The following COPZ1 variants were observed in gnomAD, a reference collection of about 807,000 sequenced individuals.
COPZ1 encodes the protein coat protein complex I subunit zeta 1, also known as coatomer subunit zeta-1.
A neutral mutation model predicts 31.7 loss-of-function variants in COPZ1; 4 were observed. The observed-to-expected ratio is 0.13, with a 90% CI of 0.06 to 0.29. The LOEUF is 0.29. Among genes scored for constraint, COPZ1 ranks in the 10% least tolerant of loss-of-function variants. The pLI, the probability that COPZ1 is intolerant of heterozygous loss-of-function variation, is 1.00. For missense variants in COPZ1, 156 were observed against 211.5 expected, an observed-to-expected ratio of 0.74 and a Z score of 1.63; for synonymous variants, 74 against 79.0, an observed-to-expected ratio of 0.94 and a Z score of 0.33.
intron 1 of COPZ1, among the ~76,000 whole-genome samples, chr12:54,337,665 G>C (rs1456990159): frequency 1.3e-5 from 2 of 152,242 alleles, no homozygotes; most frequent in African/African-American, 2.4e-5. Flanking sequence ...GCTGGCTCCA[G>C]CTGTAGCAGA....
intron 1 of COPZ1, among the ~76,000 whole-genome samples, chr12:54,337,596 GC>G (rs1288052488): frequency 6.6e-6 from 1 of 152,190 alleles, no homozygotes; most frequent in Non-Finnish European, 1.5e-5. Flanking sequence ...AGAGGTAAAA[GC>G]CCCAGGCTGA....
At chr12:54,332,839 TG>T (rs1953781507) in intron 1 of COPZ1, among the ~76,000 whole-genome samples, 1 of 152,118 alleles carries the variant, frequency 6.6e-6, no homozygotes, top group Non-Finnish European at 1.5e-5. Context: ...TATTAATTTA[TG>T]AAGGCCACAC....
rs113566379 is a variant in COPZ1 at position 54,339,362 on chromosome 12, A to G, written c.19-1185A>G. On this transcript the variant is annotated intron_variant, in intron 1 of 8. Coordinates refer to ENST00000262061, the MANE Select transcript of COPZ1 (RefSeq NM_016057.3). ...ACTTTTGGTTTTTTCTATTCAATCA[A>G]TTAGAGATGGGGTTTCACTCTGTCA... 9.5e-3 allele frequency among the ~76,000 whole-genome samples: 1,450 copies of G among 151,864 alleles called. 21 individuals carry two copies. The highest frequency in any genetic ancestry group is 0.033 in the African/African-American group (1,379 of 41,410).
chr12:54,326,124 A>AATAATAATAATTATTATTATT (rs1555152047), intron 1 of COPZ1, among the ~76,000 whole-genome samples: 1 of 139,164 alleles, frequency 7.2e-6, no homozygotes, highest in African/African-American at 2.7e-5. Flanking sequence ...CCTGGCCAGG[A>AATAATAATAATTATTATTATT]ATTATTATTA....
At chr12:54,332,774 G>T (rs1235703482) in intron 1 of COPZ1, among the ~76,000 whole-genome samples, 1 of 151,586 alleles carries the variant, frequency 6.6e-6, no homozygotes, top group Non-Finnish European at 1.5e-5. Context: ...GCTGGAGGGA[G>T]CGTGGTTGCT....
At chr12:54,350,076 T>C in intron 8 of COPZ1, 1 of 603,692 alleles carries the variant, frequency 1.7e-6, no homozygotes, top group Non-Finnish European at 2.9e-6. Context: ...TCTTGCTACC[T>C]TGACTGCAGA....
intron 1 of COPZ1, among the ~76,000 whole-genome samples, chr12:54,336,696 TGGA>T (rs1440166193): frequency 6.6e-6 from 1 of 151,036 alleles, no homozygotes; most frequent in Admixed American, 6.6e-5. Flanking sequence ...AGAGAGTTCT[TGGA>T]GATGTTGATG....
At chr12:54,347,673 A>T in intron 5 of COPZ1, 94 bp from the exon 6 acceptor site, 1 of 1,056,614 alleles carries the variant, frequency 9.5e-7, no homozygotes, top group Non-Finnish European at 1.4e-6. Flanking sequence ...GGAGATGTTT[A>T]TTGGTCTAGT....
intron 5 of COPZ1, among the ~76,000 whole-genome samples, chr12:54,346,106 C>T: frequency 6.6e-6 from 1 of 151,992 alleles, no homozygotes; most frequent in Non-Finnish European, 1.5e-5. Context: ...TGTGTTTACT[C>T]TTGTAATCCC....
chr12:54,349,925 A>G (rs1160238318), intron 8 of COPZ1: 1 of 595,092 alleles, frequency 1.7e-6, no homozygotes, highest in Non-Finnish European at 3.0e-6. Context: ...TGCCTCATTC[A>G]GTGATTTATT....
intron 1 of COPZ1, among the ~76,000 whole-genome samples, chr12:54,331,767 C>G (rs1355948177): frequency 6.6e-6 from 1 of 151,998 alleles, no homozygotes; most frequent in African/African-American, 2.4e-5. Context: ...CAAATCGTGA[C>G]CCAGGACTCA....
rs1365726300 is a variant in COPZ1 at position 54,345,602 on chromosome 12, A to C, written c.317+87A>C. The stretch of plus-strand genomic sequence containing the variant: ...TTTCTTTTTGGGAGATAAAGTAACC[A>C]TTCTTCAGGCCCAGGGATTGTAGGG... On this transcript the variant is annotated intron_variant, in intron 5 of 8. Coordinates refer to ENST00000262061, the MANE Select transcript of COPZ1 (RefSeq NM_016057.3). 2.9e-5 allele frequency: 30 copies of C among 1,047,884 alleles called. No homozygotes were observed. In the East Asian group the frequency reaches 7.0e-4, roughly 24 times the overall value. The allele number at this position is 1,047,884 out of a possible 1,614,324, so 64.9% of individuals were successfully genotyped here. A position where few individuals can be genotyped will look rare whatever the true frequency, so the allele number is the denominator to read the frequency against.
intron 1 of COPZ1, among the ~76,000 whole-genome samples, chr12:54,335,819 A>T (rs1953852902): frequency 6.6e-6 from 1 of 151,142 alleles, no homozygotes; most frequent in African/African-American, 2.4e-5. Context: ...CTACAGGTGC[A>T]TGCCACCATG....
At chr12:54,330,136 C>T (rs936402837) in intron 1 of COPZ1, among the ~76,000 whole-genome samples, 2 of 152,170 alleles carry the variant, frequency 1.3e-5, no homozygotes, top group Non-Finnish European at 2.9e-5. Context: ...ATATATTTCT[C>T]AGCTAGGGCG....
intron 1 of COPZ1, among the ~76,000 whole-genome samples, chr12:54,330,733 CAT>C: frequency 6.6e-6 from 1 of 152,310 alleles, no homozygotes; most frequent in East Asian, 1.9e-4. Flanking sequence ...ACTCCATTGA[CAT>C]GGCTTGATTA....
rs948433745 is a variant in COPZ1 at position 54,340,312 on chromosome 12, T to G, written c.19-235T>G. 6 of 567,782 alleles carry G rather than the reference T, an allele frequency of 1.1e-5. No homozygotes were observed. The Admixed American group carries it at 1.1e-4, about 10-fold the overall frequency. 35.2% of individuals were successfully genotyped at this position (567,782 alleles called of 1,614,324 possible). On this transcript the variant is annotated intron_variant, in intron 1 of 8. Coordinates refer to ENST00000262061, the MANE Select transcript of COPZ1 (RefSeq NM_016057.3). ...TAAGCCCCCTGTGAGTCAGAGAAACTGTTTCTCTGATGGTACTTTGGAATC... is the reference window on the plus strand; with the variant it reads ...TAAGCCCCCTGTGAGTCAGAGAAACGGTTTCTCTGATGGTACTTTGGAATC...
intron 5 of COPZ1, 139 bp from the exon 6 acceptor site, chr12:54,347,628 G>C (rs1444261415): frequency 2.6e-5 from 18 of 705,108 alleles, no homozygotes; most frequent in Non-Finnish European, 4.3e-5. Flanking sequence ...TAGCTAAAAA[G>C]TTCTTCACCT....
intron 1 of COPZ1, among the ~76,000 whole-genome samples, chr12:54,328,900 A>G (rs944688942): frequency 6.6e-6 from 1 of 152,220 alleles, no homozygotes; most frequent in Non-Finnish European, 1.5e-5. Flanking sequence ...CAGGGGGTCA[A>G]GAAGAACTGT....
intron 1 of COPZ1, among the ~76,000 whole-genome samples, chr12:54,327,279 C>T (rs61921438): frequency 6.7e-6 from 1 of 149,758 alleles, no homozygotes; most frequent in Non-Finnish European, 1.5e-5. Context: ...AGTCACTGCA[C>T]CCCGGCCAGT....
Sources: gnomAD v4.1 joint callset for allele counts (sites outside exome capture counted in the v4.1 genomes callset) on GRCh38, gnomAD v4.1.1 for gene constraint, MANE v1.5 for transcripts, NCBI Gene and HGNC (gene_info 2026-07-23, HGNC 2026-07-21) for gene names.